The following EFHD1 variants were observed in gnomAD, a reference collection of about 807,000 sequenced individuals.
EFHD1 encodes the protein EF-hand domain family member D1.
EFHD1 carries 10 observed loss-of-function variants against 17.2 expected under a neutral mutation model. That is an observed-to-expected ratio of 0.58 (90% CI 0.36 to 0.99). The LOEUF (loss-of-function observed/expected upper bound fraction) is 0.99. EFHD1 is among the 50% of genes least tolerant of loss of function. EFHD1 has a pLI of 0.01. For missense variants in EFHD1, 310 were observed against 327.5 expected (o/e 0.95, Z 0.41); for synonymous variants, 153 against 142.0 (o/e 1.08, Z -0.55).
In EFHD1 at chr2:232,652,319, T is replaced by C. The variant is rs182012221; in HGVS notation, c.303-10483T>C. On this transcript the variant is annotated intron_variant, in intron 1 of 3. Transcript: ENST00000264059. The stretch of plus-strand genomic sequence containing the variant: ...TACATCTGGAGAGATAATTGCCAAA[T>C]GTCTAACTCTCACAGTTACAACAGT... 3.2e-3 allele frequency among the ~76,000 whole-genome samples: 494 copies of C among 152,278 alleles called. 7 individuals are homozygous for C. Among genetic ancestry groups the C allele is most frequent in the African/African-American group, 0.01 (434 of 41,564 alleles).
chr2:232,680,913 TC>T (rs1695268368), intron 3 of EFHD1, among the ~76,000 whole-genome samples: 1 of 149,054 alleles, frequency 6.7e-6, no homozygotes, highest in Non-Finnish European at 1.5e-5. Context: ...ACGCCTGTAA[TC>T]CCAGCACTTT....
intron 1 of EFHD1, among the ~76,000 whole-genome samples, chr2:232,636,406 G>A (rs1051831121): frequency 6.6e-6 from 1 of 152,192 alleles, no homozygotes; most frequent in Non-Finnish European, 1.5e-5. Flanking sequence ...GCCATGTGGG[G>A]TTATTGTGGG....
Position 232,623,598 on chromosome 2 carries a change from C to T in EFHD1, c.14+17425C>T, listed in dbSNP as rs144110277. On this transcript the variant is annotated intron_variant, in intron 1 of 3. Transcript: ENST00000409613. ...CAGAGACAGGAGAATCGCTTGAACC[C>T]GAGAGGCAGAGGTTGTAAGTGAGCC... Among the ~76,000 whole-genome samples the T allele has an allele frequency of 2.2e-3, 310 of 142,178 alleles. 3 individuals are homozygous for T. The highest frequency in any genetic ancestry group is 8.0e-3 in the African/African-American group (300 of 37,616). The allele number at this position is 142,178 out of a possible 152,430, so 93.3% of individuals were successfully genotyped here.
intron 1 of EFHD1, among the ~76,000 whole-genome samples, chr2:232,617,882 G>GGC (rs1341941463): frequency 1.2e-4 from 18 of 151,100 alleles, no homozygotes; most frequent in African/African-American, 3.4e-4. Context: ...CTGGGAGGCA[G>GGC]AGGTTACAGT....
chr2:232,606,755 T>A (rs992779929), intron 1 of EFHD1: 1 of 144,180 alleles, frequency 6.9e-6, no homozygotes, highest in Admixed American at 6.9e-5. Flanking sequence ...CCGGGCGTGG[T>A]GGCGGGCGCC....
intron 1 of EFHD1, among the ~76,000 whole-genome samples, chr2:232,636,653 G>A (rs934861952): frequency 4.0e-5 from 6 of 151,808 alleles, no homozygotes; most frequent in Admixed American, 6.6e-5. Context: ...GTGAAACCCC[G>A]TCTCTACTAA....
chr2:232,675,285 G>T (rs1418116877), intron 3 of EFHD1, among the ~76,000 whole-genome samples: 3 of 151,894 alleles, frequency 2.0e-5, no homozygotes, highest in Non-Finnish European at 2.9e-5. Flanking sequence ...AAAGAATATG[G>T]TGATCAGGAA....
chr2:232,665,648 CTG>C (rs1484151962), intron 2 of EFHD1, among the ~76,000 whole-genome samples: 2 of 152,214 alleles, frequency 1.3e-5, no homozygotes, highest in East Asian at 3.8e-4. Flanking sequence ...TCTTGAACTC[CTG>C]GCCTCAGGCA....
At chr2:232,669,717 C>T (rs1481416423) in intron 2 of EFHD1, among the ~76,000 whole-genome samples, 2 of 151,364 alleles carry the variant, frequency 1.3e-5, no homozygotes, top group Non-Finnish European at 2.9e-5. Flanking sequence ...TCTCCTGCTT[C>T]AGGCTCCTGA....
In EFHD1 at chr2:232,613,653, C is replaced by CACACACACAT. The variant is rs1168665921; in HGVS notation, c.14+7485_14+7486insCACATACACA. Among the ~76,000 whole-genome samples the CACACACACAT allele has an allele frequency of 2.8e-4, 38 of 137,784 alleles. 1 individual carries two copies. The highest frequency in any genetic ancestry group is 1.1e-3 in the African/African-American group (38 of 35,168). The allele number at this position is 137,784 out of a possible 152,430, so 90.4% of individuals were successfully genotyped here. A position where few individuals can be genotyped will look rare whatever the true frequency, so the allele number is the denominator to read the frequency against. ...ACACATATACACACACATACACACA[C>CACACACACAT]ACACAAATACACACACACAAATATA... On this transcript the variant is annotated intron_variant, in intron 1 of 3. Coordinates refer to the EFHD1 transcript ENST00000409613.
At chr2:232,621,731 C>T (rs369479726) in intron 1 of EFHD1, among the ~76,000 whole-genome samples, 2 of 152,260 alleles carry the variant, frequency 1.3e-5, no homozygotes. Flanking sequence ...GGATTACAGG[C>T]GTGAGCCACT....
chr2:232,663,197 A>G (rs1694907283), intron 2 of EFHD1, among the ~76,000 whole-genome samples: 1 of 152,186 alleles, frequency 6.6e-6, no homozygotes, highest in South Asian at 2.1e-4. Context: ...ATGTTCACCA[A>G]AATATTCATA....
intron 2 of EFHD1, among the ~76,000 whole-genome samples, chr2:232,667,258 T>C (rs1694983727): frequency 6.6e-6 from 1 of 152,124 alleles, no homozygotes; most frequent in South Asian, 2.1e-4. Context: ...GATCAGACCA[T>C]GGATGGACCG....
intron 1 of EFHD1, among the ~76,000 whole-genome samples, chr2:232,627,058 ATATATATT>A (rs1331667539): frequency 2.1e-4 from 26 of 121,812 alleles, no homozygotes; most frequent in African/African-American, 6.1e-4. Flanking sequence ...ATATATATAT[ATATATATT>A]TTTTTTTTTT....
At chr2:232,643,607 A>C (rs150400859) in intron 1 of EFHD1, among the ~76,000 whole-genome samples, 284 of 151,914 alleles carry the variant, frequency 1.9e-3, no homozygotes, top group African/African-American at 6.3e-3. Context: ...GCTGGTCTCA[A>C]ACTCCTGGGC....
chr2:232,611,980 C>G (rs1051256313), intron 1 of EFHD1: 8 of 152,172 alleles, frequency 5.3e-5, no homozygotes, highest in East Asian at 1.9e-4. Context: ...CTAGCCCACC[C>G]AAAATGTGGA....
chr2:232,663,186 G>A (rs767178807), intron 2 of EFHD1, among the ~76,000 whole-genome samples: 9 of 152,092 alleles, frequency 5.9e-5, no homozygotes, highest in Non-Finnish European at 1.0e-4. Context: ...GAAATTTGGC[G>A]ATGTTCACCA....
rs183373892 is a variant in EFHD1 at position 232,672,005 on chromosome 2, G to A, written c.451-304G>A. On this transcript the variant is annotated intron_variant, in intron 2 of 3. Coordinates refer to ENST00000264059, the MANE Select transcript of EFHD1 (RefSeq NM_025202.4). ...CCAGAGGCAGAGGTTGCAGTGAGCC[G>A]AGATCATGCCATTGCACTCCAGCCT... Among the ~76,000 whole-genome samples the A allele has an allele frequency of 2.6e-5, 4 of 151,476 alleles. No homozygotes were observed. The East Asian group carries it at 5.8e-4, about 22-fold the overall frequency.
chr2:232,646,399 G>A (rs1381042785), intron 1 of EFHD1, among the ~76,000 whole-genome samples: 2 of 123,366 alleles, frequency 1.6e-5, no homozygotes, highest in South Asian at 2.7e-4. Flanking sequence ...TCCGTTGTCT[G>A]TTATTGCTGA....
Sources: allele counts gnomAD v4.1 joint callset (sites outside exome capture counted in the v4.1 genomes callset), GRCh38; gene constraint gnomAD v4.1.1; transcripts MANE v1.5; gene names NCBI Gene and HGNC (gene_info 2026-07-23, HGNC 2026-07-21).